DAAM1: variants seen among roughly 807,000 people sequenced by gnomAD.
DAAM1 encodes the protein disheveled-associated activator of morphogenesis 1.
Under a neutral mutation model 130.0 loss-of-function variants are expected in DAAM1, and 52 were observed. The ratio of observed to expected loss-of-function variants is 0.40; its 90% CI spans 0.32 to 0.50. DAAM1 has a LOEUF of 0.50. Among genes scored for constraint, DAAM1 ranks in the 20% least tolerant of loss-of-function variants. The pLI is 0.61. For missense variants in DAAM1, 1,134 were observed against 1,303.8 expected (o/e 0.87, Z 2.01); for synonymous variants, 452 against 444.5 (o/e 1.02, Z -0.21).
At chr14:59,204,313 G>A (rs540864182) in intron 1 of DAAM1, among the ~76,000 whole-genome samples, 2 of 152,230 alleles carry the variant, frequency 1.3e-5, no homozygotes, top group African/African-American at 2.4e-5. Flanking sequence ...CCATGGGACT[G>A]AGGACCACTA....
intron 2 of DAAM1, among the ~76,000 whole-genome samples, chr14:59,277,207 T>G (rs1279463510): frequency 6.6e-6 from 1 of 152,244 alleles, no homozygotes; most frequent in African/African-American, 2.4e-5. Context: ...TTCAAGACCC[T>G]TATTGTATAT....
At chr14:59,197,046 G>A (rs1444776373) in intron 1 of DAAM1, among the ~76,000 whole-genome samples, 1 of 151,926 alleles carries the variant, frequency 6.6e-6, no homozygotes, top group Non-Finnish European at 1.5e-5. Context: ...TCGGCCTCCC[G>A]GGTAGCTGGG....
intron 17 of DAAM1, among the ~76,000 whole-genome samples, chr14:59,350,290 C>A (rs538477205): frequency 6.6e-6 from 1 of 152,148 alleles, no homozygotes; most frequent in Admixed American, 6.5e-5. Context: ...TTGACTGCCC[C>A]CTTCTCTATA....
chr14:59,253,584 G>T (rs1039059408), intron 1 of DAAM1, among the ~76,000 whole-genome samples: 11 of 152,296 alleles, frequency 7.2e-5, no homozygotes, highest in Admixed American at 7.2e-4. Context: ...TTTCAGTTCA[G>T]CAAACTGTCA....
rs536537413 is a variant in DAAM1 at position 59,282,046 on chromosome 14, C to T, written c.184-9171C>T. On this transcript the variant is annotated intron_variant, in intron 2 of 24. Transcript: ENST00000360909. ...GGCTTTCAAGGCTGCTGTTCATTGTCTGCAGTGCTTTCTACCTCTTTACTT... is the reference window on the plus strand; with the variant it reads ...GGCTTTCAAGGCTGCTGTTCATTGTTTGCAGTGCTTTCTACCTCTTTACTT... Among the ~76,000 whole-genome samples, 3 of 152,264 alleles carry T rather than the reference C, an allele frequency of 2.0e-5. No homozygotes were observed. In the East Asian group the frequency reaches 5.8e-4, roughly 29 times the overall value.
At chr14:59,341,296 CTT>C (rs1230908169) in intron 16 of DAAM1, among the ~76,000 whole-genome samples, 2 of 152,154 alleles carry the variant, frequency 1.3e-5, no homozygotes, top group Non-Finnish European at 2.9e-5. Flanking sequence ...TTTATTCTGA[CTT>C]TTGTTCCATG....
intron 1 of DAAM1, among the ~76,000 whole-genome samples, chr14:59,255,399 A>T (rs953207743): frequency 6.6e-6 from 1 of 151,888 alleles, no homozygotes; most frequent in Non-Finnish European, 1.5e-5. Flanking sequence ...TTTTTTTTTT[A>T]AGCTCCAAAT....
chr14:59,291,995 T>C (rs1883757900), intron 3 of DAAM1, among the ~76,000 whole-genome samples: 2 of 152,176 alleles, frequency 1.3e-5, no homozygotes, highest in Non-Finnish European at 2.9e-5. Flanking sequence ...TCTTATTCCC[T>C]AGTATCTGTG....
chr14:59,210,636 C>T (rs1352794073), intron 1 of DAAM1, among the ~76,000 whole-genome samples: 1 of 152,196 alleles, frequency 6.6e-6, no homozygotes, highest in East Asian at 1.9e-4. Context: ...TCCTCATTAT[C>T]TGGAGGGAAA....
rs143866134 is a variant in DAAM1 at position 59,279,039 on chromosome 14, A to G, written c.184-12178A>G. ...TTGTTTTCCTGGGGCTCCAACAAGC[A>G]GGCTTGATTTTTTTTGACAGCTTTA... On this transcript the variant is annotated intron_variant, in intron 2 of 24. Coordinates refer to ENST00000360909, the MANE Select transcript of DAAM1 (RefSeq NM_001270520.2). Among the ~76,000 whole-genome samples the G allele has an allele frequency of 6.2e-3, 945 of 152,334 alleles. 9 individuals are homozygous for G. The highest frequency in any genetic ancestry group is 0.022 in the African/African-American group (912 of 41,570).
Position 59,368,966 on chromosome 14 carries a change from C to G in DAAM1, c.*107C>G. On this transcript the variant is annotated 3_prime_UTR_variant, in exon 25 of 25. Coordinates refer to ENST00000360909, the MANE Select transcript of DAAM1 (RefSeq NM_001270520.2). ...TCCAAACAGTGGCAATTTTTTCCTT[C>G]ATCTGTGAGTGAATGTGTGAACGTG... is the stretch of plus-strand genomic sequence containing the variant. 1 of 957,276 alleles carries G rather than the reference C, an allele frequency of 1.0e-6. No individual in the cohort carries two copies. The highest frequency in any genetic ancestry group is 1.5e-6 in the Non-Finnish European group (1 of 647,238). 59.3% of individuals were successfully genotyped at this position (957,276 alleles called of 1,614,324 possible). A position where few individuals can be genotyped will look rare whatever the true frequency, so the allele number is the denominator to read the frequency against.
At chr14:59,267,815 T>G (rs1021869576) in intron 2 of DAAM1, among the ~76,000 whole-genome samples, 1 of 152,180 alleles carries the variant, frequency 6.6e-6, no homozygotes, top group Admixed American at 6.5e-5. Flanking sequence ...ACAGAGTGTT[T>G]TCAAGGTTCA....
intron 23 of DAAM1, 63 bp downstream of exon 23, chr14:59,363,845 C>CAGTT: frequency 1.9e-6 from 3 of 1,599,614 alleles, no homozygotes; most frequent in Non-Finnish European, 2.6e-6. Context: ...GTGATACTTT[C>CAGTT]AGTTATTATT....
intron 2 of DAAM1, chr14:59,265,626 G>A (rs1247455425): frequency 2.6e-5 from 4 of 152,266 alleles, no homozygotes; most frequent in African/African-American, 9.7e-5. Flanking sequence ...TTGAAGGTGA[G>A]AAGAAAAGTT....
intron 17 of DAAM1, among the ~76,000 whole-genome samples, chr14:59,349,664 C>T (rs1231336800): frequency 2.0e-5 from 3 of 152,242 alleles, no homozygotes; most frequent in East Asian, 1.9e-4. Flanking sequence ...CTGCTGAGCT[C>T]TGATCTCAGA....
chr14:59,227,444 A>G (rs1166033584), intron 1 of DAAM1, among the ~76,000 whole-genome samples: 1 of 152,180 alleles, frequency 6.6e-6, no homozygotes, highest in Non-Finnish European at 1.5e-5. Flanking sequence ...TGTTTGTGTG[A>G]AGGTCCTGAA....
chr14:59,233,919 T>G (rs1027009153), intron 1 of DAAM1, among the ~76,000 whole-genome samples: 1 of 152,226 alleles, frequency 6.6e-6, no homozygotes, highest in Non-Finnish European at 1.5e-5. Context: ...TTTGTCCAGT[T>G]TGTCGAAGAT....
At chr14:59,195,623 T>C (rs371800346) in intron 1 of DAAM1, among the ~76,000 whole-genome samples, 111 of 152,278 alleles carry the variant, frequency 7.3e-4, no homozygotes, top group Non-Finnish European at 9.8e-4. Flanking sequence ...ATACCTGCAG[T>C]GTGATTGGAA....
At chr14:59,190,080 C>G (rs141599613) in intron 1 of DAAM1, among the ~76,000 whole-genome samples, 1 of 152,122 alleles carries the variant, frequency 6.6e-6, no homozygotes, top group African/African-American at 2.4e-5. Flanking sequence ...ACTGCTGTTT[C>G]GATTCGATGT....
Sources: allele counts gnomAD v4.1 joint callset (sites outside exome capture counted in the v4.1 genomes callset), GRCh38; gene constraint gnomAD v4.1.1; transcripts MANE v1.5; gene names NCBI Gene and HGNC (gene_info 2026-07-23, HGNC 2026-07-21).